Variants in RAP1B observed in about 807,000 individuals in gnomAD.
RAP1B encodes ras-related protein Rap-1b.
In RAP1B, 1 loss-of-function variant was observed where a neutral mutation model predicts 27.5. The observed-to-expected ratio is 0.04, with a 90% CI of 0.01 to 0.17. The LOEUF (loss-of-function observed/expected upper bound fraction) is 0.17, where lower values mean the gene tolerates loss of function less well. Among genes scored for constraint, RAP1B ranks in the 10% least tolerant of loss-of-function variants. The pLI is 1.00. For synonymous variants in RAP1B, 75 were observed against 73.1 expected (o/e 1.03, Z -0.13); for missense variants, 84 against 214.8 (o/e 0.39, Z 3.81).
rs1191364622 is a variant in RAP1B, at chr12:68,665,076, C to G, written c.*5827C>G. 1.3e-5 allele frequency: 2 copies of G among 152,300 alleles called. No homozygotes were observed. Among genetic ancestry groups the G allele is most frequent in the East Asian group, 3.9e-4 (2 of 5,182 alleles). The allele number at this position is 152,300 out of a possible 1,614,324, so 9.4% of individuals were successfully genotyped here. ...GGCTGAGGTAGGAGGAACTCTTGAG[C>G]TCCGGTGGTTTGAGGCCAGCATGGA... is the stretch of plus-strand genomic sequence containing the variant. On this transcript the variant is annotated 3_prime_UTR_variant, in exon 8 of 8. Coordinates refer to ENST00000250559, the MANE Select transcript of RAP1B (RefSeq NM_001010942.3).
intron 1 of RAP1B, among the ~76,000 whole-genome samples, chr12:68,637,395 T>G (rs1426712627): frequency 6.6e-6 from 1 of 151,882 alleles, no homozygotes; most frequent in Non-Finnish European, 1.5e-5. Flanking sequence ...GTCAGGAGTT[T>G]AGGATAAGCC....
At position 68,626,785 on chromosome 12, in the gene RAP1B, GTTGTTTGTTTGT is replaced by G; in HGVS notation, c.-27+15753_-27+15764del. The G allele has an allele frequency of 2.5e-6, 3 of 1,208,500 alleles. No homozygotes were observed. In the South Asian group the frequency reaches 4.0e-5, roughly 16 times the overall value. 74.9% of individuals were successfully genotyped at this position (1,208,500 alleles called of 1,614,324 possible). A position where few individuals can be genotyped will look rare whatever the true frequency, so the allele number is the denominator to read the frequency against. On this transcript the variant is annotated intron_variant, in intron 1 of 7. Coordinates refer to ENST00000250559, the MANE Select transcript of RAP1B (RefSeq NM_001010942.3). ...GAATTTTCCAGGGTGTTTTTTTTTT[GTTGTTTGTTTGT>G]TTGTTTGTTTTGGGTGGACAGGAAG...
intron 1 of RAP1B, among the ~76,000 whole-genome samples, chr12:68,616,882 A>C (rs1871065746): frequency 6.6e-6 from 1 of 152,138 alleles, no homozygotes; most frequent in Admixed American, 6.5e-5. Flanking sequence ...TCACTAAGTA[A>C]CTTTATTTTA....
At chr12:68,630,625 G>A (rs570066208) in intron 1 of RAP1B, among the ~76,000 whole-genome samples, 1 of 152,142 alleles carries the variant, frequency 6.6e-6, no homozygotes, top group South Asian at 2.1e-4. Context: ...ACCCTTAACT[G>A]AGTATGGTTT....
At chr12:68,643,167 A>G (rs1038427869) in intron 1 of RAP1B, among the ~76,000 whole-genome samples, 1 of 152,174 alleles carries the variant, frequency 6.6e-6, no homozygotes. Flanking sequence ...ATACCTTCTA[A>G]TAGTCAGAAC....
At chr12:68,651,082 G>A (rs187696156) in intron 3 of RAP1B, among the ~76,000 whole-genome samples, 16 of 152,240 alleles carry the variant, frequency 1.1e-4, no homozygotes, top group African/African-American at 3.6e-4. Flanking sequence ...CATTTTGACT[G>A]TGACTGGTCA....
At chr12:68,638,598 TTTAGA>T (rs1687756820) in intron 1 of RAP1B, among the ~76,000 whole-genome samples, 1 of 152,214 alleles carries the variant, frequency 6.6e-6, no homozygotes, top group African/African-American at 2.4e-5. Flanking sequence ...AGAAATAATA[TTTAGA>T]TTATATTAAA....
rs902952255 is a variant in RAP1B at position 68,670,324 on chromosome 12, A to G, written c.*11075A>G. On this transcript the variant is annotated 3_prime_UTR_variant, in exon 8 of 8. Coordinates refer to ENST00000250559, the MANE Select transcript of RAP1B (RefSeq NM_001010942.3). ...TAAAGACAATAAAAGTTCAACCCCT[A>G]TATCATGCAAAAAGCACTTTCCAGA... 9 of 152,138 alleles carry G rather than the reference A, an allele frequency of 5.9e-5. No homozygotes were observed. The highest frequency in any genetic ancestry group is 2.2e-4 in the African/African-American group (9 of 41,442). 9.4% of individuals were successfully genotyped at this position (152,138 alleles called of 1,614,324 possible).
rs1219161696 is a variant in RAP1B at position 68,614,634 on chromosome 12, C to CT, written c.-27+3592dup. On this transcript the variant is annotated intron_variant, in intron 1 of 7. Coordinates refer to ENST00000250559, the MANE Select transcript of RAP1B (RefSeq NM_001010942.3). Reference sequence around the variant, plus strand: ...CTGTCATTATTGAGGACTCCATGGTCTAAGAGATTAGGCTGAAGTTTTTGT... The same window carrying CT: ...CTGTCATTATTGAGGACTCCATGGTCTTAAGAGATTAGGCTGAAGTTTTTGT... 4.6e-5 allele frequency among the ~76,000 whole-genome samples: 7 copies of CT among 152,232 alleles called. No homozygotes were observed. In the South Asian group the frequency reaches 1.5e-3, roughly 32 times the overall value.
intron 1 of RAP1B, among the ~76,000 whole-genome samples, chr12:68,626,476 G>A (rs575213631): frequency 6.6e-6 from 1 of 152,074 alleles, no homozygotes; most frequent in Non-Finnish European, 1.5e-5. Context: ...TGGACATAGA[G>A]AACCATCTTG....
At chr12:68,636,215 AT>A (rs1329616375) in intron 1 of RAP1B, among the ~76,000 whole-genome samples, 3 of 152,188 alleles carry the variant, frequency 2.0e-5, no homozygotes, top group Admixed American at 6.5e-5. Context: ...AGGGACAGAA[AT>A]TATGCTTTTT....
intron 1 of RAP1B, among the ~76,000 whole-genome samples, chr12:68,611,990 T>TC (rs928987465): frequency 3.9e-5 from 6 of 152,196 alleles, no homozygotes; most frequent in Middle Eastern, 3.4e-3. Flanking sequence ...CCCTTCGCTT[T>TC]CCCCCCTCTC....
chr12:68,611,592 C>T (rs1870595800), intron 1 of RAP1B, among the ~76,000 whole-genome samples: 1 of 152,128 alleles, frequency 6.6e-6, no homozygotes, highest in African/African-American at 2.4e-5. Flanking sequence ...TCCCAGGCGC[C>T]CCGCGGGCTT....
At chr12:68,621,691 C>G (rs1384571719) in intron 1 of RAP1B, among the ~76,000 whole-genome samples, 8 of 152,142 alleles carry the variant, frequency 5.3e-5, no homozygotes, top group African/African-American at 1.9e-4. Context: ...CTTCACAGTT[C>G]TGGTCAACAG....
intron 1 of RAP1B, chr12:68,642,578 G>A (rs1285053966): frequency 7.4e-6 from 8 of 1,074,482 alleles, no homozygotes; most frequent in Non-Finnish European, 1.2e-5. Flanking sequence ...TTTGGTTTCT[G>A]GGAAAGCTTC....
intron 1 of RAP1B, chr12:68,627,224 C>G: frequency 7.0e-7 from 1 of 1,429,278 alleles, no homozygotes; most frequent in Non-Finnish European, 9.7e-7. Flanking sequence ...CATGAACATC[C>G]ATCTGAAAGG....
intron 5 of RAP1B, 49 bp from the exon 6 acceptor site, chr12:68,656,257 A>G (rs1459597210): frequency 1.3e-6 from 2 of 1,496,014 alleles, no homozygotes; most frequent in Non-Finnish European, 9.2e-7. Context: ...ATTTGAATTC[A>G]TATAGCATAT....
At chr12:68,613,494 G>A (rs1870767416) in intron 1 of RAP1B, among the ~76,000 whole-genome samples, 2 of 151,244 alleles carry the variant, frequency 1.3e-5, no homozygotes, top group South Asian at 4.2e-4. Flanking sequence ...TACCTTCTAT[G>A]ACACGCATTA....
intron 1 of RAP1B, among the ~76,000 whole-genome samples, chr12:68,613,243 C>T (rs1870736687): frequency 6.6e-6 from 1 of 151,900 alleles, no homozygotes; most frequent in Admixed American, 6.6e-5. Context: ...GCCTGCAATC[C>T]CAGCTATTCG....
Sources: gnomAD v4.1 joint callset for allele counts (sites outside exome capture counted in the v4.1 genomes callset) on GRCh38, gnomAD v4.1.1 for gene constraint, MANE v1.5 for transcripts, NCBI Gene and HGNC (gene_info 2026-07-23, HGNC 2026-07-21) for gene names.